The following RPGR variants were observed in gnomAD, a reference collection of about 807,000 sequenced individuals.
The protein encoded by RPGR is retinitis pigmentosa GTPase regulator, also known as X-linked retinitis pigmentosa GTPase regulator.
RPGR carries 10 observed loss-of-function variants against 56.3 expected under a neutral mutation model. That is an observed-to-expected ratio of 0.18 (90% confidence interval 0.11 to 0.30). The LOEUF (loss-of-function observed/expected upper bound fraction) is 0.30, where lower values mean the gene tolerates loss of function less well. Ranked by LOEUF, RPGR falls within the 10% of genes least tolerant of loss-of-function variation. The probability of loss-of-function intolerance (pLI) is 1.00; values close to 1 mark genes in which losing one functional copy is unlikely to be tolerated. For missense variants in RPGR, 538 were observed against 590.9 expected (o/e 0.91, Z 0.93); for synonymous variants, 197 against 212.9 (o/e 0.93, Z 0.65).
chrX:38,285,594 T>C, intron 15 of RPGR: 1 of 1,211,909 alleles, frequency 8.3e-7, no homozygotes, highest in Non-Finnish European at 1.1e-6. Context: ...TTTTGGAACC[T>C]GATGGCCCGT....
At chrX:38,285,260 T>C in intron 15 of RPGR, 1 of 979,320 alleles carries the variant, frequency 1.0e-6, no homozygotes, top group Non-Finnish European at 1.3e-6. Context: ...TTAATGAATA[T>C]ATAATGTTAA....
intron 1 of RPGR, among the ~76,000 whole-genome samples, chrX:38,325,621 G>A (rs2068035603): frequency 8.9e-6 from 1 of 112,068 alleles, no homozygotes; most frequent in African/African-American, 3.3e-5. Context: ...TAGTTATAGA[G>A]ATGTCTTTTT....
Position 38,269,805 on chromosome X carries a change from T to C in RPGR, c.2269A>G (p.Ile757Val), listed in dbSNP as rs746627825. Residue 757 changes from isoleucine to valine, a missense_variant, in exon 19 of 19, where the codon ATA becomes GTA. Physicochemically the swap from Ile to Val is conservative, Grantham distance 29. Coordinates refer to ENST00000642395, the MANE Select transcript of RPGR (RefSeq NM_000328.3). ...TTATTCTTGACAATCTTTTGATTTATTGAGGGGACTCTTTTGAACAGAAAA... is the reference window on the plus strand; with the variant it reads ...TTATTCTTGACAATCTTTTGATTTACTGAGGGGACTCTTTTGAACAGAAAA... 2 of 1,205,238 alleles carry C rather than the reference T, an allele frequency of 1.7e-6. No individual in the cohort carries two copies. Among genetic ancestry groups the C allele is most frequent in the South Asian group, 1.8e-5 (1 of 56,613 alleles).
chrX:38,295,096 C>T (rs987029454), intron 11 of RPGR, among the ~76,000 whole-genome samples: 2 of 111,944 alleles, frequency 1.8e-5, no homozygotes, highest in African/African-American at 6.5e-5. Context: ...CCTATAAAAC[C>T]GTAAATAATT....
rs1175539921 is a variant in RPGR at position 38,315,820 on chromosome X, CATAT to C, written c.619+1492_619+1495del. 6.9e-3 allele frequency among the ~76,000 whole-genome samples: 636 copies of C among 92,124 alleles called. 4 individuals are homozygous for C. Among genetic ancestry groups the C allele is most frequent in the African/African-American group, 0.025 (602 of 23,957 alleles). The allele number at this position is 92,124 out of a possible 115,157, so 80.0% of individuals were successfully genotyped here. On this transcript the variant is annotated intron_variant, in intron 6 of 18. Transcript: ENST00000642395. ...ACATCTCAGGTATTCCATATATATA[CATAT>C]ATATATATATATATAGAGAGAGAGA...
chrX:38,276,685 T>A lies in RPGR; in HGVS notation c.1993A>T (p.Thr665Ser). The change falls in exon 16 of 19, where the codon ACT becomes TCT. Residue 665 changes from threonine to serine, a missense_variant. Thr to Ser is a moderately conservative substitution (Grantham distance 58). Around this residue, in one of 2 missense-constraint regions of RPGR, gnomAD observed 357 missense variants for 325.8 expected, o/e 1.10. Coordinates refer to ENST00000642395, the MANE Select transcript of RPGR (RefSeq NM_000328.3). The stretch of plus-strand genomic sequence containing the variant: ...GGAACACTTTCATCATCTCCCACAG[T>A]TTTCTTCTTGCTTTCCACATTTTCA... 6 of 1,210,122 alleles carry A rather than the reference T, an allele frequency of 5.0e-6. No individual in the cohort carries two copies. Among genetic ancestry groups the A allele is most frequent in the Non-Finnish European group, 6.7e-6 (6 of 894,136 alleles).
At position 38,318,845 on chromosome X, in the gene RPGR, A is replaced by C. The variant is rs759398299; in HGVS notation, c.453T>G (p.Thr151=). The change falls in exon 5 of 19, where the codon ACT becomes ACG. Residue 151 remains threonine (T), a synonymous_variant. Transcript: ENST00000642395. Reference sequence around the variant, plus strand: ...AAGTCTCACCAGTTAGGGCAGCTGAAGTATTAGATCCAGCAGACAGCTGCT... The same window carrying C: ...AAGTCTCACCAGTTAGGGCAGCTGACGTATTAGATCCAGCAGACAGCTGCT... The C allele has an allele frequency of 5.8e-6, 7 of 1,210,404 alleles. No homozygotes were observed. In the South Asian group the frequency reaches 8.8e-5, roughly 15 times the overall value.
At position 38,327,469 on chromosome X, in the gene RPGR, G is replaced by T; in HGVS notation, c.-102C>A. On this transcript the variant is annotated 5_prime_UTR_variant, in exon 1 of 19. Coordinates refer to ENST00000642395, the MANE Select transcript of RPGR (RefSeq NM_000328.3). ...CTCCGCACCGACGCGGGCCGCGAAA[G>T]CCCCCAAGTTCCGCATGGCGAAACT... The T allele has an allele frequency of 1.2e-6, 1 of 853,868 alleles. No individual in the cohort carries two copies. Among genetic ancestry groups the T allele is most frequent in the South Asian group, 2.7e-5 (1 of 37,180 alleles). 70.4% of individuals were successfully genotyped at this position (853,868 alleles called of 1,213,427 possible).
At chrX:38,291,532 T>G (rs1308025804) in intron 11 of RPGR, 48 bp from the exon 12 acceptor site, 5 of 744,945 alleles carry the variant, frequency 6.7e-6, no homozygotes, top group Non-Finnish European at 8.4e-6. Flanking sequence ...AACAGAAAAG[T>G]GAAAGGCAAC....
Position 38,298,977 on chromosome X carries a change from T to C in RPGR, c.1224A>G (p.Ala408=). 1 of 1,211,899 alleles carries C rather than the reference T, an allele frequency of 8.3e-7. No individual in the cohort carries two copies. The highest frequency in any genetic ancestry group is 3.0e-5 in the East Asian group (1 of 33,866). ...GTACCCTCTCTCTTCGCCGCATACG[T>C]GCTGATAGAGTCCTCTGCAGTACAT... The change falls in exon 10 of 19, where the codon GCA becomes GCG. Residue 408 remains alanine (A), a synonymous_variant. Transcript: ENST00000642395.
At chrX:38,315,838 T>TATATATAG (rs768025579) in intron 6 of RPGR, among the ~76,000 whole-genome samples, 23 of 90,823 alleles carry the variant, frequency 2.5e-4, no homozygotes, top group African/African-American at 5.2e-4. Flanking sequence ...TATATATATA[T>TATATATAG]AGAGAGAGAG....
At chrX:38,279,223 GAA>G (rs1470576109) in intron 15 of RPGR, 3 of 330,606 alleles carry the variant, frequency 9.1e-6, no homozygotes, top group South Asian at 7.8e-5. Context: ...TTTATAAAAA[GAA>G]AGAGTAAAGT....
At chrX:38,290,701 G>A (rs2067263077) in intron 13 of RPGR, among the ~76,000 whole-genome samples, 1 of 111,524 alleles carries the variant, frequency 9.0e-6, no homozygotes. Context: ...AGAAGGAAAA[G>A]TATGGCTATT....
At chrX:38,280,897 T>TA (rs199728431) in intron 15 of RPGR, among the ~76,000 whole-genome samples, 3,105 of 109,993 alleles carry the variant, frequency 0.028, 70 homozygotes, top group African/African-American at 0.077. Context: ...ATGATTTAAA[T>TA]AAAAAAAAAC....
chrX:38,304,296 A>AT (rs202034212), intron 8 of RPGR, among the ~76,000 whole-genome samples: 19,541 of 111,130 alleles, frequency 0.18, 1,383 homozygotes, highest in Middle Eastern at 0.28. Context: ...TGCTTGTGGG[A>AT]TTTTTCCTTT....
intron 1 of RPGR, chrX:38,327,020 G>A (rs1181359983): frequency 4.0e-6 from 1 of 249,883 alleles, no homozygotes; most frequent in South Asian, 1.2e-4. Context: ...TTGCGCCATT[G>A]CACTCCAGCC....
intron 2 of RPGR, 139 bp downstream of exon 2, chrX:38,323,260 G>A (rs2067982820): frequency 3.2e-6 from 2 of 621,944 alleles, no homozygotes; most frequent in Non-Finnish European, 5.0e-6. Context: ...GACTTATTTT[G>A]TGAAGAATTC....
intron 3 of RPGR, among the ~76,000 whole-genome samples, chrX:38,321,699 T>C (rs1228954483): frequency 2.7e-5 from 3 of 109,555 alleles, no homozygotes; most frequent in Non-Finnish European, 5.7e-5. Context: ...AATTAATATG[T>C]GCTGAGACCC....
intron 15 of RPGR, chrX:38,285,336 A>G: frequency 4.7e-6 from 5 of 1,068,961 alleles, no homozygotes; most frequent in Non-Finnish European, 6.0e-6. Flanking sequence ...AAATACACGA[A>G]AATTTTAGTT....
Sources: allele counts gnomAD v4.1 joint callset (sites outside exome capture counted in the v4.1 genomes callset), GRCh38; gene constraint gnomAD v4.1.1; regional missense constraint gnomAD v4.1.1; transcripts MANE v1.5; gene names NCBI Gene and HGNC (gene_info 2026-07-23, HGNC 2026-07-21).